Variants in LSAMP observed in about 807,000 individuals in gnomAD.
The protein encoded by LSAMP is limbic system associated membrane protein, also known as limbic system-associated membrane protein.
In LSAMP, 7 loss-of-function variants were observed where a neutral mutation model predicts 38.6. The ratio of observed to expected loss-of-function variants is 0.18; its 90% CI spans 0.10 to 0.34. The LOEUF is 0.34. Among genes scored for constraint, LSAMP ranks in the 10% least tolerant of loss-of-function variants. The pLI, the probability that LSAMP is intolerant of heterozygous loss-of-function variation, is 1.00. For synonymous variants in LSAMP, 154 were observed against 166.8 expected, an observed-to-expected ratio of 0.92 and a Z score of 0.59; for missense variants, 313 against 420.0, an observed-to-expected ratio of 0.75 and a Z score of 2.23.
intron 1 of LSAMP, among the ~76,000 whole-genome samples, chr3:116,209,957 T>C (rs1466190163): frequency 1.3e-5 from 2 of 152,058 alleles, no homozygotes; most frequent in South Asian, 4.1e-4. Flanking sequence ...AGTTTCACCA[T>C]GTTAGCCAGG....
chr3:116,007,744 A>C (rs565395127), intron 3 of LSAMP, among the ~76,000 whole-genome samples: 2 of 152,284 alleles, frequency 1.3e-5, no homozygotes, highest in African/African-American at 4.8e-5. Flanking sequence ...AAATGCTCCT[A>C]TATTTGTGCT....
At chr3:116,298,475 T>G (rs1248454786) in intron 1 of LSAMP, among the ~76,000 whole-genome samples, 1 of 152,042 alleles carries the variant, frequency 6.6e-6, no homozygotes, top group Non-Finnish European at 1.5e-5. Context: ...TTTCTGGAGT[T>G]TGCTGGAGAA....
At chr3:116,442,420 G>A (rs2049447908) in intron 1 of LSAMP, among the ~76,000 whole-genome samples, 1 of 151,860 alleles carries the variant, frequency 6.6e-6, no homozygotes, top group Admixed American at 6.6e-5. Context: ...TTCCTTCCCT[G>A]AAAGCTCATG....
At chr3:115,873,618 G>A (rs1936106735) in intron 3 of LSAMP, among the ~76,000 whole-genome samples, 1 of 151,754 alleles carries the variant, frequency 6.6e-6, no homozygotes, top group African/African-American at 2.4e-5. Flanking sequence ...TAGTATAATA[G>A]AGTATTAGAA....
chr3:116,300,035 A>G (rs2047386275), intron 1 of LSAMP, among the ~76,000 whole-genome samples: 1 of 152,118 alleles, frequency 6.6e-6, no homozygotes, highest in Admixed American at 6.5e-5. Context: ...CCTCTCAGCA[A>G]TTCCTCATTC....
intron 1 of LSAMP, among the ~76,000 whole-genome samples, chr3:116,241,075 G>A (rs980442257): frequency 6.6e-6 from 1 of 151,864 alleles, no homozygotes; most frequent in African/African-American, 2.4e-5. Flanking sequence ...TACACAGGAA[G>A]CTGAGGCAGG....
At chr3:115,919,901 G>A (rs566627740) in intron 3 of LSAMP, among the ~76,000 whole-genome samples, 5 of 152,226 alleles carry the variant, frequency 3.3e-5, no homozygotes, top group South Asian at 4.1e-4. Context: ...GCCACCCACC[G>A]TGCCCAGCCC....
intron 1 of LSAMP, among the ~76,000 whole-genome samples, chr3:116,221,995 G>A (rs1164253820): frequency 6.8e-6 from 1 of 146,762 alleles, no homozygotes; most frequent in Non-Finnish European, 1.5e-5. Context: ...CTTATGAGCT[G>A]GTTCTGAGAA....
intron 3 of LSAMP, among the ~76,000 whole-genome samples, chr3:115,884,010 C>G (rs969878283): frequency 6.6e-6 from 1 of 151,888 alleles, no homozygotes; most frequent in Non-Finnish European, 1.5e-5. Flanking sequence ...TAAGATTCTG[C>G]AAAAACAGCT....
chr3:116,250,247 T>C (rs1322975395), intron 1 of LSAMP, among the ~76,000 whole-genome samples: 3 of 152,258 alleles, frequency 2.0e-5, no homozygotes, highest in Non-Finnish European at 4.4e-5. Context: ...TTCCTACAAG[T>C]ACTTGTTTCA....
chr3:116,080,428 T>C (rs1271447521), intron 2 of LSAMP, among the ~76,000 whole-genome samples: 1 of 152,212 alleles, frequency 6.6e-6, no homozygotes, highest in East Asian at 1.9e-4. Context: ...TGGATGTATA[T>C]AGGTTATATA....
intron 6 of LSAMP, among the ~76,000 whole-genome samples, chr3:115,833,287 A>G (rs1934676052): frequency 6.6e-6 from 1 of 152,148 alleles, no homozygotes. Flanking sequence ...GTCAAGTCTA[A>G]AAAACAGGCA....
At chr3:115,916,176 A>C (rs1937247381) in intron 3 of LSAMP, among the ~76,000 whole-genome samples, 1 of 152,082 alleles carries the variant, frequency 6.6e-6, no homozygotes, top group Admixed American at 6.6e-5. Context: ...GCTTGGCCCC[A>C]CCTTAGGGGA....
At chr3:116,181,675 TCAGA>T (rs1024417325) in intron 1 of LSAMP, among the ~76,000 whole-genome samples, 1 of 151,970 alleles carries the variant, frequency 6.6e-6, no homozygotes, top group Admixed American at 6.6e-5. Context: ...CAAAGCACTT[TCAGA>T]CAAATTATTG....
intron 1 of LSAMP, among the ~76,000 whole-genome samples, chr3:116,279,368 G>A (rs1251419902): frequency 6.6e-6 from 1 of 152,122 alleles, no homozygotes; most frequent in Non-Finnish European, 1.5e-5. Context: ...CCAAAATGAT[G>A]GCATGCCCTG....
chr3:116,433,282 A>G (rs188455958), intron 1 of LSAMP, among the ~76,000 whole-genome samples: 2 of 152,116 alleles, frequency 1.3e-5, no homozygotes, highest in Admixed American at 6.5e-5. Context: ...TAGCATAACT[A>G]AAGTACAACT....
intron 3 of LSAMP, among the ~76,000 whole-genome samples, chr3:115,985,266 CA>C (rs992695848): frequency 2.0e-5 from 3 of 152,082 alleles, no homozygotes; most frequent in Non-Finnish European, 4.4e-5. Flanking sequence ...AACAAAAATA[CA>C]AAATGGAATA....
intron 1 of LSAMP, among the ~76,000 whole-genome samples, chr3:116,091,201 G>T (rs1220255635): frequency 6.6e-6 from 1 of 152,212 alleles, no homozygotes; most frequent in Non-Finnish European, 1.5e-5. Context: ...GCTTTTGAAA[G>T]AAGAGAAATA....
chr3:116,159,969 AC>A (rs1709843701), intron 1 of LSAMP, among the ~76,000 whole-genome samples: 1 of 152,192 alleles, frequency 6.6e-6, no homozygotes, highest in Admixed American at 6.5e-5. Context: ...AAGCTAACTC[AC>A]ACAGGACAGA....
Sources: gnomAD v4.1 joint callset for allele counts (sites outside exome capture counted in the v4.1 genomes callset) on GRCh38, gnomAD v4.1.1 for gene constraint, MANE v1.5 for transcripts, NCBI Gene and HGNC (gene_info 2026-07-23, HGNC 2026-07-21) for gene names.